Variants in RBMS3 observed in about 807,000 individuals in gnomAD.
The protein encoded by RBMS3 is RNA binding motif single stranded interacting protein 3.
In RBMS3, 27 loss-of-function variants were observed where a neutral mutation model predicts 66.8. That is an observed-to-expected ratio of 0.40 (90% CI 0.30 to 0.56). The LOEUF (loss-of-function observed/expected upper bound fraction) is 0.56. Ranked by LOEUF, RBMS3 falls within the 20% of genes least tolerant of loss-of-function variation. The pLI is 0.40. For synonymous variants in RBMS3, 188 were observed against 183.0 expected (o/e 1.03, Z -0.22); for missense variants, 513 against 549.5 (o/e 0.93, Z 0.66).
intron 10 of RBMS3, among the ~76,000 whole-genome samples, chr3:29,916,252 A>G (rs2060635861): frequency 6.6e-6 from 1 of 151,770 alleles, no homozygotes. Context: ...CCCCCTCTCC[A>G]TTTACTTTTG....
intron 8 of RBMS3, among the ~76,000 whole-genome samples, chr3:29,892,356 A>G (rs754414622): frequency 6.6e-6 from 1 of 151,600 alleles, no homozygotes; most frequent in Admixed American, 6.6e-5. Flanking sequence ...CTCAATCTTC[A>G]TGCTACTACC....
intron 14 of RBMS3, among the ~76,000 whole-genome samples, chr3:29,996,430 T>A (rs570964142): frequency 1.3e-5 from 2 of 149,934 alleles, no homozygotes; most frequent in African/African-American, 2.5e-5. Flanking sequence ...AATAGACACC[T>A]ACAGAACTCT....
chr3:29,737,844 G>C (rs1179832234), intron 4 of RBMS3, among the ~76,000 whole-genome samples: 2 of 136,890 alleles, frequency 1.5e-5, no homozygotes, highest in Non-Finnish European at 3.1e-5. Context: ...GTGTGTGTGT[G>C]TGTGTGTGTG....
chr3:29,595,552 T>A (rs981213294), intron 4 of RBMS3, among the ~76,000 whole-genome samples: 1 of 152,150 alleles, frequency 6.6e-6, no homozygotes, highest in Non-Finnish European at 1.5e-5. Context: ...TAATGAATAG[T>A]CTTCATTCAT....
intron 1 of RBMS3, among the ~76,000 whole-genome samples, chr3:29,407,400 C>A (rs1430978080): frequency 6.6e-6 from 1 of 152,134 alleles, no homozygotes; most frequent in East Asian, 1.9e-4. Flanking sequence ...CATTTCTTAC[C>A]GCTGCATTCT....
At chr3:29,742,078 C>T (rs2054673349) in intron 5 of RBMS3, among the ~76,000 whole-genome samples, 1 of 152,072 alleles carries the variant, frequency 6.6e-6, no homozygotes, top group African/African-American at 2.4e-5. Flanking sequence ...CATTTCTCTC[C>T]CATTTATCTT....
intron 4 of RBMS3, among the ~76,000 whole-genome samples, chr3:29,645,984 A>G (rs1430988661): frequency 3.9e-5 from 6 of 152,226 alleles, no homozygotes; most frequent in Admixed American, 3.3e-4. Context: ...TAATCTGCTT[A>G]GGCAATCTTG....
At chr3:29,642,802 G>A (rs2049774377) in intron 4 of RBMS3, 1 of 152,288 alleles carries the variant, frequency 6.6e-6, no homozygotes. Context: ...CTAGTGCTCA[G>A]AGAAGGTGCT....
At chr3:29,673,859 T>C (rs988425280) in intron 4 of RBMS3, among the ~76,000 whole-genome samples, 2 of 152,146 alleles carry the variant, frequency 1.3e-5, no homozygotes, top group South Asian at 2.1e-4. Context: ...TCTGAAACTA[T>C]ACCAATCAAT....
chr3:29,506,320 C>A lies in RBMS3; in HGVS notation c.307+17821C>A, dbSNP rs147526665. Among the ~76,000 whole-genome samples the A allele has an allele frequency of 2.6e-5, 4 of 151,946 alleles. No individual in the cohort carries two copies. The East Asian group carries it at 5.8e-4, about 22-fold the overall frequency. On this transcript the variant is annotated intron_variant, in intron 3 of 14. Transcript: ENST00000383767. ...TGGATTTTGTAAAATAATTTTTCTG[C>A]AACTATTGAGATTATCATATGGTTT... is the stretch of plus-strand genomic sequence containing the variant.
intron 1 of RBMS3, among the ~76,000 whole-genome samples, chr3:29,299,884 T>C (rs1317160496): frequency 1.3e-5 from 2 of 151,572 alleles, no homozygotes; most frequent in African/African-American, 4.8e-5. Flanking sequence ...CAATGAAACA[T>C]AAAAAGCTAA....
intron 1 of RBMS3, among the ~76,000 whole-genome samples, chr3:29,388,416 C>A (rs2125637778): frequency 6.6e-6 from 1 of 152,236 alleles, no homozygotes; most frequent in South Asian, 2.1e-4. Context: ...GGTGTATGAG[C>A]TTAGATTTGA....
At chr3:29,560,424 G>T (rs193111763) in intron 3 of RBMS3, among the ~76,000 whole-genome samples, 1 of 152,282 alleles carries the variant, frequency 6.6e-6, no homozygotes, top group African/African-American at 2.4e-5. Context: ...AGCAACAAAA[G>T]TAGGATGGAA....
chr3:29,313,171 T>A (rs2034481874), intron 1 of RBMS3, among the ~76,000 whole-genome samples: 1 of 151,796 alleles, frequency 6.6e-6, no homozygotes, highest in Non-Finnish European at 1.5e-5. Flanking sequence ...AACGATGAGA[T>A]GGCATTTCAA....
intron 1 of RBMS3, among the ~76,000 whole-genome samples, chr3:29,324,150 T>G (rs2035181043): frequency 6.6e-6 from 1 of 152,184 alleles, no homozygotes; most frequent in South Asian, 2.1e-4. Context: ...TGCAATGAAC[T>G]TAAATGCACT....
At chr3:29,425,092 C>A (rs755039860) in intron 1 of RBMS3, among the ~76,000 whole-genome samples, 7 of 150,732 alleles carry the variant, frequency 4.6e-5, no homozygotes, top group Non-Finnish European at 8.9e-5. Context: ...GCCTGTAATC[C>A]CAGCACTTTG....
intron 4 of RBMS3, among the ~76,000 whole-genome samples, chr3:29,653,084 A>G (rs915244511): frequency 6.6e-6 from 1 of 152,146 alleles, no homozygotes; most frequent in Non-Finnish European, 1.5e-5. Context: ...AATAAAATGA[A>G]CAGCCTTGGT....
At position 29,789,463 on chromosome 3, in the gene RBMS3, G is replaced by T. The variant is rs1467245318; in HGVS notation, c.637+26474G>T. Among the ~76,000 whole-genome samples the T allele has an allele frequency of 2.0e-5, 3 of 151,960 alleles. No individual in the cohort carries two copies. In the South Asian group the frequency reaches 6.2e-4, roughly 32 times the overall value. On this transcript the variant is annotated intron_variant, in intron 6 of 14. Transcript: ENST00000383767. ...TTTCCTGATGGTTAATTAGTCAGTTGTTCTACTATTGAATAATACATTCTT... is the reference window on the plus strand; with the variant it reads ...TTTCCTGATGGTTAATTAGTCAGTTTTTCTACTATTGAATAATACATTCTT...
intron 1 of RBMS3, among the ~76,000 whole-genome samples, chr3:29,356,176 A>G (rs2037211659): frequency 6.6e-6 from 1 of 152,186 alleles, no homozygotes; most frequent in Non-Finnish European, 1.5e-5. Flanking sequence ...GGTAAGGTTT[A>G]CTGTAGACGT....
Sources: gnomAD v4.1 joint callset for allele counts (sites outside exome capture counted in the v4.1 genomes callset) on GRCh38, gnomAD v4.1.1 for gene constraint, MANE v1.5 for transcripts, NCBI Gene and HGNC (gene_info 2026-07-23, HGNC 2026-07-21) for gene names.